Variants in STX2 observed in about 807,000 individuals in gnomAD.
The protein encoded by STX2 is syntaxin 2.
Under a neutral mutation model 40.6 loss-of-function variants are expected in STX2, and 27 were observed. The observed-to-expected ratio is 0.66, with a 90% CI of 0.49 to 0.92. STX2 has a LOEUF of 0.92. STX2 is among the 40% of genes least tolerant of loss of function. The probability of loss-of-function intolerance (pLI) is 0.00; values close to 1 mark genes in which losing one functional copy is unlikely to be tolerated. For missense variants in STX2, 328 were observed against 366.1 expected, an observed-to-expected ratio of 0.90 and a Z score of 0.85; for synonymous variants, 123 against 119.1, an observed-to-expected ratio of 1.03 and a Z score of -0.22.
At chr12:130,792,054 G>C in intron 10 of STX2, 77 bp from the exon 11 acceptor site, 1 of 963,434 alleles carries the variant, frequency 1.0e-6, no homozygotes, top group Non-Finnish European at 1.6e-6. Flanking sequence ...AATCCTTCTG[G>C]GATTTGGGAT....
In STX2 at chr12:130,824,443, G is replaced by GA. The variant is rs201972150; in HGVS notation, c.106-2656dup. On this transcript the variant is annotated intron_variant, in intron 2 of 10. Coordinates refer to ENST00000392373, the MANE Select transcript of STX2 (RefSeq NM_194356.4). ...AATACACATATGTTAGAAAGTAAAA[G>GA]AAAAAAACATTATTTTAACTCTTGG... 1.4e-3 allele frequency among the ~76,000 whole-genome samples: 215 copies of GA among 152,196 alleles called. 3 individuals are homozygous for GA. In the East Asian group the frequency reaches 0.038, roughly 27 times the overall value.
Position 130,828,846 on chromosome 12 carries a change from T to C in STX2, c.31-1579A>G, listed in dbSNP as rs113148900. On this transcript the variant is annotated intron_variant, in intron 1 of 10. Coordinates refer to ENST00000392373, the MANE Select transcript of STX2 (RefSeq NM_194356.4). ...TCGCGCCACTGCACTCCAGCCTGGGTGACAGAGCAAGACTCTGTCTCAAAA... is the reference window on the plus strand; with the variant it reads ...TCGCGCCACTGCACTCCAGCCTGGGCGACAGAGCAAGACTCTGTCTCAAAA... 5.3e-3 allele frequency among the ~76,000 whole-genome samples: 745 copies of C among 141,768 alleles called. 13 individuals are homozygous for C. The highest frequency in any genetic ancestry group is 0.018 in the African/African-American group (710 of 38,836). The allele number at this position is 141,768 out of a possible 152,430, so 93.0% of individuals were successfully genotyped here. A position where few individuals can be genotyped will look rare whatever the true frequency, so the allele number is the denominator to read the frequency against.
intron 5 of STX2, among the ~76,000 whole-genome samples, 172 bp from the exon 6 acceptor site, chr12:130,807,262 A>G (rs189260905): frequency 6.6e-6 from 1 of 152,296 alleles, no homozygotes; most frequent in Admixed American, 6.5e-5. Flanking sequence ...CTTTGCATGC[A>G]TGATCTTACC....
At chr12:130,830,373 C>A (rs922892110) in intron 1 of STX2, among the ~76,000 whole-genome samples, 2 of 151,296 alleles carry the variant, frequency 1.3e-5, no homozygotes, top group Admixed American at 6.6e-5. Context: ...AGAGGCTCAA[C>A]CCTCCTCTCC....
At chr12:130,804,478 G>T (rs1477041355) in intron 6 of STX2, among the ~76,000 whole-genome samples, 8 of 152,146 alleles carry the variant, frequency 5.3e-5, no homozygotes, top group African/African-American at 1.9e-4. Flanking sequence ...CTGACCAGTG[G>T]TCCCAAGTGT....
chr12:130,797,602 C>G (rs543691251), intron 9 of STX2, among the ~76,000 whole-genome samples: 23 of 152,292 alleles, frequency 1.5e-4, no homozygotes, highest in African/African-American at 5.3e-4. Flanking sequence ...CCATTTTTTC[C>G]TAACACGGTG....
rs546312365 is a variant in STX2, at chr12:130,828,309, C to A, written c.31-1042G>T. 9.9e-5 allele frequency among the ~76,000 whole-genome samples: 15 copies of A among 151,464 alleles called. No individual in the cohort carries two copies. In the East Asian group the frequency reaches 2.5e-3, roughly 26 times the overall value. On this transcript the variant is annotated intron_variant, in intron 1 of 10. Transcript: ENST00000392373. The stretch of plus-strand genomic sequence containing the variant: ...GTGGCAGGATCTCGGCTCACTGCAA[C>A]CTCCGCCTTCTGGGTTCAAGTAATG...
At chr12:130,819,423 G>C (rs1285143958) in intron 3 of STX2, among the ~76,000 whole-genome samples, 1 of 146,858 alleles carries the variant, frequency 6.8e-6, no homozygotes, top group African/African-American at 2.5e-5. Flanking sequence ...ACTGCATTTT[G>C]CTTTTTAAAG....
chr12:130,831,391 G>A (rs1334314203), intron 1 of STX2, among the ~76,000 whole-genome samples: 1 of 152,224 alleles, frequency 6.6e-6, no homozygotes, highest in Non-Finnish European at 1.5e-5. Context: ...CTGGCCGGGT[G>A]CGGCAGCTCA....
chr12:130,822,462 G>C (rs544844246), intron 2 of STX2, among the ~76,000 whole-genome samples: 1 of 152,004 alleles, frequency 6.6e-6, no homozygotes, highest in African/African-American at 2.4e-5. Flanking sequence ...TATGGGAGGA[G>C]GTATCTATAG....
chr12:130,837,936 C>A lies in STX2; in HGVS notation c.30+1134G>T, dbSNP rs117230399. On this transcript the variant is annotated intron_variant, in intron 1 of 10. Coordinates refer to ENST00000392373, the MANE Select transcript of STX2 (RefSeq NM_194356.4). ...ATTTCCATGATCCTAAGGATGAAAT[C>A]ATTGCCTTTCTCAACCAGAGCTCCT... 2.2e-3 allele frequency among the ~76,000 whole-genome samples: 342 copies of A among 152,310 alleles called. 5 individuals carry two copies. The East Asian group carries it at 0.043, about 19-fold the overall frequency.
At chr12:130,811,302 G>A (rs536991852) in intron 4 of STX2, among the ~76,000 whole-genome samples, 92 of 148,468 alleles carry the variant, frequency 6.2e-4, no homozygotes, top group South Asian at 1.9e-3. Flanking sequence ...AGGTTGCAGT[G>A]AGCCGAGATT....
At chr12:130,798,774 G>T (rs1331716036) in intron 8 of STX2, 139 bp from the exon 9 acceptor site, 4 of 531,528 alleles carry the variant, frequency 7.5e-6, no homozygotes, top group Non-Finnish European at 1.2e-5. Context: ...CACATTTACA[G>T]AAAGATAAAA....
At chr12:130,816,212 A>T (rs1004295182) in intron 3 of STX2, among the ~76,000 whole-genome samples, 1 of 152,132 alleles carries the variant, frequency 6.6e-6, no homozygotes, top group Admixed American at 6.5e-5. Context: ...GGACGACTAG[A>T]CTCGGGAGAC....
In STX2 at chr12:130,828,323, G is replaced by A. The variant is rs73162893; in HGVS notation, c.31-1056C>T. The stretch of plus-strand genomic sequence containing the variant: ...GCTCACTGCAACCTCCGCCTTCTGG[G>A]TTCAAGTAATGCTTATGCCCCAACC... On this transcript the variant is annotated intron_variant, in intron 1 of 10. Coordinates refer to ENST00000392373, the MANE Select transcript of STX2 (RefSeq NM_194356.4). Among the ~76,000 whole-genome samples the A allele has an allele frequency of 3.1e-3, 471 of 150,906 alleles. 3 individuals are homozygous for A. The highest frequency in any genetic ancestry group is 5.0e-3 in the Non-Finnish European group (341 of 67,900).
intron 9 of STX2, among the ~76,000 whole-genome samples, chr12:130,797,864 C>T (rs1487726924): frequency 1.3e-5 from 2 of 152,206 alleles, no homozygotes; most frequent in East Asian, 3.9e-4. Flanking sequence ...TGCAGGTCCA[C>T]GGTCTCAAAT....
intron 2 of STX2, among the ~76,000 whole-genome samples, chr12:130,824,249 C>T (rs1025284681): frequency 1.3e-5 from 2 of 149,516 alleles, no homozygotes; most frequent in Non-Finnish European, 3.0e-5. Context: ...ATTAGCCGGG[C>T]GTGGTGGTGT....
chr12:130,798,023 G>A (rs953314907), intron 9 of STX2, among the ~76,000 whole-genome samples: 6 of 152,204 alleles, frequency 3.9e-5, no homozygotes, highest in East Asian at 1.9e-4. Context: ...CGAGATGGGC[G>A]GATCACTTGA....
At chr12:130,796,754 C>T (rs1277151717) in intron 9 of STX2, among the ~76,000 whole-genome samples, 3 of 152,148 alleles carry the variant, frequency 2.0e-5, no homozygotes, top group Admixed American at 1.3e-4. Flanking sequence ...AGCTCAGTGA[C>T]GGAGAGCCCC....
Sources: allele counts gnomAD v4.1 joint callset (sites outside exome capture counted in the v4.1 genomes callset), GRCh38; gene constraint gnomAD v4.1.1; transcripts MANE v1.5; gene names NCBI Gene and HGNC (gene_info 2026-07-23, HGNC 2026-07-21).